Variants in NAALADL2 observed in about 807,000 individuals in gnomAD.
NAALADL2 encodes N-acetylated alpha-linked acidic dipeptidase like 2.
A neutral mutation model predicts 87.2 loss-of-function variants in NAALADL2; 76 were observed. That is an observed-to-expected ratio of 0.87 (90% CI 0.72 to 1.05). The LOEUF (loss-of-function observed/expected upper bound fraction) is 1.05. Ranked by LOEUF, NAALADL2 falls within the 50% of genes least tolerant of loss-of-function variation. The pLI is 0.00. For missense variants in NAALADL2, 1,089 were observed against 945.8 expected (o/e 1.15, Z -1.99); for synonymous variants, 354 against 331.0 (o/e 1.07, Z -0.75).
intron 3 of NAALADL2, among the ~76,000 whole-genome samples, chr3:174,759,913 C>A (rs1433807660): frequency 6.6e-6 from 1 of 152,082 alleles, no homozygotes; most frequent in East Asian, 1.9e-4. Context: ...GTTGGCCAGG[C>A]TGGTCTCGAA....
At chr3:175,131,292 C>A (rs1358120307) in intron 2 of NAALADL2, among the ~76,000 whole-genome samples, 1 of 151,728 alleles carries the variant, frequency 6.6e-6, no homozygotes, top group South Asian at 2.1e-4. Context: ...AGGCAGAGGA[C>A]CCTGCGGCCT....
chr3:174,855,502 C>A (rs765114573), upstream of NAALADL2, among the ~76,000 whole-genome samples: 117 of 152,058 alleles, frequency 7.7e-4, 7 homozygotes, highest in Admixed American at 2.0e-4. Context: ...TTTGCTCTTG[C>A]AGTTAAAACT....
chr3:175,545,960 T>C (rs1713236890), intron 9 of NAALADL2, among the ~76,000 whole-genome samples: 2 of 152,146 alleles, frequency 1.3e-5, no homozygotes, highest in South Asian at 4.1e-4. Context: ...CAAATAAAAA[T>C]AATACAGACC....
intron 1 of NAALADL2, among the ~76,000 whole-genome samples, chr3:174,483,742 A>C (rs1717699259): frequency 6.6e-6 from 1 of 152,096 alleles, no homozygotes. Context: ...AAGGAGAATG[A>C]GGAGAAAAGT....
intron 11 of NAALADL2, among the ~76,000 whole-genome samples, chr3:175,697,400 GACACACACAC>G (rs57471272): frequency 9.6e-5 from 14 of 145,238 alleles, no homozygotes; most frequent in African/African-American, 2.3e-4. Context: ...GCTGCACACA[GACACACACAC>G]ACACACACAC....
Position 175,713,452 on chromosome 3 carries a change from T to C in NAALADL2, c.1897-23854T>C, listed in dbSNP as rs571380478. ...AACTTCATTAATTCTTCAGAATGTC[T>C]TTTACTGCCCTGAAACACAAATAGT... On this transcript the variant is annotated intron_variant, in intron 11 of 13. Transcript: ENST00000454872. Among the ~76,000 whole-genome samples, 92 of 152,242 alleles carry C rather than the reference T, an allele frequency of 6.0e-4. 1 individual carries two copies. Among genetic ancestry groups the C allele is most frequent in the African/African-American group, 2.1e-3 (89 of 41,570 alleles).
At chr3:175,010,457 C>CT (rs1458431352) in intron 1 of NAALADL2, among the ~76,000 whole-genome samples, 1 of 152,132 alleles carries the variant, frequency 6.6e-6, no homozygotes, top group East Asian at 1.9e-4. Context: ...GGATCACCAT[C>CT]TTGCTTCTGT....
chr3:174,693,265 G>A (rs542759439), intron 2 of NAALADL2, among the ~76,000 whole-genome samples: 1 of 152,246 alleles, frequency 6.6e-6, no homozygotes, highest in South Asian at 2.1e-4. Context: ...ATGACATGGA[G>A]AGTTTACTGC....
intron 1 of NAALADL2, among the ~76,000 whole-genome samples, chr3:174,548,400 AT>A (rs1711641189): frequency 6.6e-6 from 1 of 152,214 alleles, no homozygotes; most frequent in Non-Finnish European, 1.5e-5. Flanking sequence ...CTAGAAAAAA[AT>A]AAACCAAGCT....
In NAALADL2 at chr3:175,470,575, T is replaced by C. The variant is rs571326533; in HGVS notation, c.1534-1064T>C. ...GTCCTTGTAGTCTTCCATTTCATAG[T>C]ATTAGAAGAAGAAAGATACTTTCCC... On this transcript the variant is annotated intron_variant, in intron 8 of 13. Coordinates refer to ENST00000454872, the MANE Select transcript of NAALADL2 (RefSeq NM_207015.3). Among the ~76,000 whole-genome samples, 3 of 152,236 alleles carry C rather than the reference T, an allele frequency of 2.0e-5. No homozygotes were observed. The South Asian group carries it at 6.2e-4, about 32-fold the overall frequency.
chr3:175,789,639 A>T (rs978544378), intron 13 of NAALADL2, among the ~76,000 whole-genome samples: 5 of 152,166 alleles, frequency 3.3e-5, no homozygotes, highest in Admixed American at 1.3e-4. Flanking sequence ...GTCCAGTGCA[A>T]AGAACCCATT....
intron 3 of NAALADL2, among the ~76,000 whole-genome samples, chr3:174,792,297 A>C (rs542928356): frequency 6.8e-6 from 1 of 148,106 alleles, no homozygotes; most frequent in East Asian, 2.2e-4. Flanking sequence ...GGAGGGAGGG[A>C]GGGAGGCAGG....
Position 174,519,326 on chromosome 3 carries a change from C to CTTTTTTTTT in NAALADL2, c.-183-31233_-183-31225dup, listed in dbSNP as rs557612913. ...AAACAAGTGAATGAATGAAGATTTC[C>CTTTTTTTTT]TTTTTTTTTTTTTTTTTTGAGACAG... On this transcript the variant is annotated intron_variant, in intron 1 of 3. Coordinates refer to the NAALADL2 transcript ENST00000434257. Among the ~76,000 whole-genome samples the CTTTTTTTTT allele has an allele frequency of 5.7e-4, 74 of 128,892 alleles. 1 individual carries two copies. Among genetic ancestry groups the CTTTTTTTTT allele is most frequent in the African/African-American group, 2.0e-3 (70 of 34,178 alleles). The allele number at this position is 128,892 out of a possible 152,430, so 84.6% of individuals were successfully genotyped here.
At chr3:175,402,299 A>C (rs1770660262) in intron 5 of NAALADL2, among the ~76,000 whole-genome samples, 1 of 152,086 alleles carries the variant, frequency 6.6e-6, no homozygotes, top group South Asian at 2.1e-4. Flanking sequence ...AATAGAAAGC[A>C]ATCACATTTA....
At chr3:175,718,411 TG>T in intron 11 of NAALADL2, 1 of 1,590,594 alleles carries the variant, frequency 6.3e-7, no homozygotes, top group African/African-American at 1.3e-5. Flanking sequence ...TATTAATTTT[TG>T]TTACAAATCT....
At chr3:175,529,291 G>C (rs935256880) in intron 9 of NAALADL2, among the ~76,000 whole-genome samples, 1 of 152,170 alleles carries the variant, frequency 6.6e-6, no homozygotes, top group East Asian at 1.9e-4. Context: ...GTGTCCAGAT[G>C]GCAATCTTAA....
At chr3:175,048,406 G>A (rs184988826) in intron 1 of NAALADL2, among the ~76,000 whole-genome samples, 3 of 152,192 alleles carry the variant, frequency 2.0e-5, no homozygotes, top group Admixed American at 2.0e-4. Context: ...CTTGTGTTGT[G>A]ATGACAGTGA....
chr3:174,509,874 G>T (rs1030876570), intron 1 of NAALADL2, among the ~76,000 whole-genome samples: 2 of 151,992 alleles, frequency 1.3e-5, no homozygotes, highest in Non-Finnish European at 2.9e-5. Flanking sequence ...ATTTTGGGGG[G>T]ATGCAGTGCA....
In NAALADL2 at chr3:174,816,665, C is replaced by T. The variant is rs1296399572; in HGVS notation, c.-9+78919C>T. On this transcript the variant is annotated intron_variant, in intron 3 of 3. Coordinates refer to the NAALADL2 transcript ENST00000434257. ...CACCCCAGGTCACTGCCATGGTAAA[C>T]CTAGCAGCAGATTGTTAATTCTAAT... 2.0e-5 allele frequency among the ~76,000 whole-genome samples: 3 copies of T among 151,932 alleles called. No individual in the cohort carries two copies. In the East Asian group the frequency reaches 5.8e-4, roughly 29 times the overall value.
Sources: allele counts gnomAD v4.1 joint callset (sites outside exome capture counted in the v4.1 genomes callset), GRCh38; gene constraint gnomAD v4.1.1; transcripts MANE v1.5; gene names NCBI Gene and HGNC (gene_info 2026-07-23, HGNC 2026-07-21).